The following AGMO variants were observed in gnomAD, a reference collection of about 807,000 sequenced individuals.
AGMO encodes alkylglycerol monooxygenase, also known as glyceryl-ether monooxygenase.
In AGMO, 75 loss-of-function variants were observed where a neutral mutation model predicts 60.2. That is an observed-to-expected ratio of 1.25 (90% CI 1.03 to 1.51). AGMO has a LOEUF of 1.51. Ranked by LOEUF, AGMO falls within the 40% of genes most tolerant of loss-of-function variation. The pLI, the probability that AGMO is intolerant of heterozygous loss-of-function variation, is 0.00. For synonymous variants in AGMO, 261 were observed against 177.1 expected (o/e 1.47, Z -3.76); for missense variants, 763 against 525.5 (o/e 1.45, Z -4.42).
At position 15,481,961 on chromosome 7, in the gene AGMO, T is replaced by C. The variant is rs537126806; in HGVS notation, c.410-50853A>G. ...AAGCAATGTAGTTGTAAATAACTTG[T>C]AAGTCCAAGAAGAAATCACAGTAAA... On this transcript the variant is annotated intron_variant, in intron 3 of 12. Transcript: ENST00000342526. 1.1e-3 allele frequency among the ~76,000 whole-genome samples: 170 copies of C among 152,152 alleles called. 1 individual carries two copies. Among genetic ancestry groups the C allele is most frequent in the Non-Finnish European group, 2.1e-3 (145 of 67,974 alleles).
At chr7:15,488,577 T>C (rs1476679138) in intron 3 of AGMO, among the ~76,000 whole-genome samples, 1 of 152,168 alleles carries the variant, frequency 6.6e-6, no homozygotes, top group Non-Finnish European at 1.5e-5. Context: ...TAGGGAATTA[T>C]TGGGCTTTGA....
the AGMO span, among the ~76,000 whole-genome samples, chr7:15,187,025 G>C: frequency 1.4e-4 from 21 of 152,190 alleles, no homozygotes; most frequent in African/African-American, 4.6e-4. Context: ...TCTTTCCCAC[G>C]CTGCTAGCCA....
chr7:15,457,162 T>C (rs1394591068), intron 3 of AGMO, among the ~76,000 whole-genome samples: 3 of 152,198 alleles, frequency 2.0e-5, no homozygotes, highest in Non-Finnish European at 4.4e-5. Flanking sequence ...TTCAAGCCTA[T>C]TAATTTTCAA....
At chr7:15,362,239 ATAAT>A (rs775336687) in intron 12 of AGMO, among the ~76,000 whole-genome samples, 13 of 152,216 alleles carry the variant, frequency 8.5e-5, no homozygotes, top group Admixed American at 7.2e-4. Context: ...TTTGAAATTC[ATAAT>A]TAATAATATA....
At chr7:15,289,944 T>C (rs959657793) in intron 12 of AGMO, among the ~76,000 whole-genome samples, 187 of 3,190 alleles carry the variant, frequency 0.059, 1 homozygote, top group Non-Finnish European at 0.16. Flanking sequence ...TCCAGAAATC[T>C]TTTTTTTTTT....
At chr7:15,177,798 A>G in the AGMO span, among the ~76,000 whole-genome samples, 1 of 152,106 alleles carries the variant, frequency 6.6e-6, no homozygotes, top group Admixed American at 6.6e-5. Flanking sequence ...TCTCCCTTCA[A>G]TAGACACAAT....
chr7:15,144,266 G>T, the AGMO span, among the ~76,000 whole-genome samples: 10 of 151,730 alleles, frequency 6.6e-5, no homozygotes, highest in African/African-American at 2.4e-4. Flanking sequence ...ATTTTATAAG[G>T]TAATCCAAAA....
intron 12 of AGMO, among the ~76,000 whole-genome samples, chr7:15,340,377 T>C (rs796755517): frequency 2.8e-4 from 43 of 152,304 alleles, no homozygotes; most frequent in African/African-American, 9.9e-4. Flanking sequence ...CTCAACCTAA[T>C]TACTTTTAAG....
At chr7:15,162,855 C>G in the AGMO span, among the ~76,000 whole-genome samples, 1 of 152,048 alleles carries the variant, frequency 6.6e-6, no homozygotes, top group African/African-American at 2.4e-5. Context: ...TGTTTTTGGT[C>G]CCATATAAAT....
At chr7:15,523,187 T>G (rs1316503491) in intron 3 of AGMO, among the ~76,000 whole-genome samples, 1 of 151,766 alleles carries the variant, frequency 6.6e-6, no homozygotes, top group African/African-American at 2.4e-5. Flanking sequence ...AAAAAACAGA[T>G]GCTGGAGAGG....
rs574180108 is a variant in AGMO, at chr7:15,293,037, A to G, written c.1263+72477T>C. On this transcript the variant is annotated intron_variant, in intron 12 of 12. Coordinates refer to ENST00000342526, the MANE Select transcript of AGMO (RefSeq NM_001004320.2). ...CTTGGCCTCCCAAAGTGCTGGGATT[A>G]CAAGTGTGAGCCACTGCATCCGGCT... Among the ~76,000 whole-genome samples, 3 of 152,180 alleles carry G rather than the reference A, an allele frequency of 2.0e-5. No individual in the cohort carries two copies. The East Asian group carries it at 5.8e-4, about 29-fold the overall frequency.
chr7:15,183,608 C>T, the AGMO span, among the ~76,000 whole-genome samples: 3 of 152,108 alleles, frequency 2.0e-5, no homozygotes, highest in African/African-American at 4.8e-5. Context: ...TTAATGACCA[C>T]TTGACTTGTA....
At chr7:15,531,685 C>T (rs1006367264) in intron 3 of AGMO, among the ~76,000 whole-genome samples, 4 of 142,762 alleles carry the variant, frequency 2.8e-5, no homozygotes, top group African/African-American at 5.2e-5. Flanking sequence ...GAGTCTCACT[C>T]TATTGCCCAG....
At chr7:15,229,294 G>A (rs1370818050) in intron 12 of AGMO, among the ~76,000 whole-genome samples, 1 of 151,922 alleles carries the variant, frequency 6.6e-6, no homozygotes, top group Admixed American at 6.6e-5. Flanking sequence ...CATGGCACAT[G>A]TTCAATTTAT....
At chr7:15,395,604 A>G (rs1188792235) in intron 5 of AGMO, among the ~76,000 whole-genome samples, 2 of 152,184 alleles carry the variant, frequency 1.3e-5, no homozygotes, top group African/African-American at 2.4e-5. Context: ...TTTGGCAATG[A>G]AAAAACAAAG....
chr7:15,333,520 G>A (rs896414649), intron 12 of AGMO, among the ~76,000 whole-genome samples: 24 of 150,202 alleles, frequency 1.6e-4, no homozygotes, highest in African/African-American at 5.4e-4. Flanking sequence ...TTAGCATGTT[G>A]ATGTTAAACA....
intron 3 of AGMO, among the ~76,000 whole-genome samples, chr7:15,512,393 C>A (rs570440592): frequency 3.9e-5 from 6 of 152,288 alleles, no homozygotes; most frequent in South Asian, 4.1e-4. Context: ...GCTGGGACCA[C>A]AGGCGAATAC....
intron 12 of AGMO, among the ~76,000 whole-genome samples, chr7:15,292,059 A>C (rs2128522453): frequency 1.3e-5 from 1 of 78,670 alleles, no homozygotes; most frequent in South Asian, 3.8e-4. Flanking sequence ...ATCTGCAGAC[A>C]ATGAGGAGTC....
the AGMO span, among the ~76,000 whole-genome samples, chr7:15,177,569 T>C: frequency 2.0e-5 from 3 of 152,122 alleles, no homozygotes; most frequent in Admixed American, 1.3e-4. Flanking sequence ...CAGGATCACA[T>C]TTGTTACCCA....
Sources: allele counts gnomAD v4.1 joint callset (sites outside exome capture counted in the v4.1 genomes callset), GRCh38; gene constraint gnomAD v4.1.1; transcripts MANE v1.5; gene names NCBI Gene and HGNC (gene_info 2026-07-23, HGNC 2026-07-21).